The following SCAPER variants were observed in gnomAD, a reference collection of about 807,000 sequenced individuals.
SCAPER encodes the protein S phase cyclin A-associated protein in the endoplasmic reticulum.
Under a neutral mutation model 182.2 loss-of-function variants are expected in SCAPER, and 98 were observed. The ratio of observed to expected loss-of-function variants is 0.54; its 90% CI spans 0.46 to 0.64. SCAPER has a LOEUF of 0.64. Ranked by LOEUF, SCAPER falls within the 30% of genes least tolerant of loss-of-function variation. The probability of loss-of-function intolerance (pLI) is 0.00; values close to 1 mark genes in which losing one functional copy is unlikely to be tolerated. For missense variants in SCAPER, 1,432 were observed against 1,690.0 expected (o/e 0.85, Z 2.68); for synonymous variants, 605 against 564.6 (o/e 1.07, Z -1.01).
chr15:76,416,106 A>C (rs1020302139), intron 26 of SCAPER, among the ~76,000 whole-genome samples: 1 of 152,180 alleles, frequency 6.6e-6, no homozygotes, highest in African/African-American at 2.4e-5. Context: ...GGCTAAGTAC[A>C]TAAGGAAGCA....
At chr15:76,794,271 A>T (rs2065182499) in intron 8 of SCAPER, among the ~76,000 whole-genome samples, 1 of 152,232 alleles carries the variant, frequency 6.6e-6, no homozygotes, top group Admixed American at 6.5e-5. Flanking sequence ...GGACTGCTTT[A>T]AACGAAACTG....
Position 76,510,645 on chromosome 15 carries a change from C to T in SCAPER, c.2839-5671G>A, listed in dbSNP as rs949500173. Among the ~76,000 whole-genome samples, 8 of 152,026 alleles carry T rather than the reference C, an allele frequency of 5.3e-5. No individual in the cohort carries two copies. The South Asian group carries it at 6.2e-4, about 12-fold the overall frequency. On this transcript the variant is annotated intron_variant, in intron 23 of 31. Coordinates refer to ENST00000563290, the MANE Select transcript of SCAPER (RefSeq NM_020843.4). ...TCTACATTGCTGGTGGGAATGTAAA[C>T]GAGGAAAACAGTGTGAAGATTCCTT... is the stretch of plus-strand genomic sequence containing the variant.
intron 23 of SCAPER, among the ~76,000 whole-genome samples, chr15:76,558,333 CACAG>C (rs1181604274): frequency 2.0e-5 from 3 of 152,062 alleles, no homozygotes; most frequent in Non-Finnish European, 2.9e-5. Context: ...GGGCAAAGGA[CACAG>C]ACAGACACCT....
intron 29 of SCAPER, among the ~76,000 whole-genome samples, chr15:76,358,389 T>C (rs890332478): frequency 6.6e-6 from 1 of 152,220 alleles, no homozygotes; most frequent in Non-Finnish European, 1.5e-5. Flanking sequence ...TACAAAACTA[T>C]CTTAGTTGGC....
At chr15:76,687,885 G>A (rs557573822) in intron 20 of SCAPER, among the ~76,000 whole-genome samples, 19 of 152,334 alleles carry the variant, frequency 1.2e-4, no homozygotes, top group African/African-American at 4.6e-4. Flanking sequence ...ATTGTGAACA[G>A]TGCTGCAATA....
At chr15:76,889,922 T>C (rs937207035) in intron 1 of SCAPER, among the ~76,000 whole-genome samples, 3 of 152,186 alleles carry the variant, frequency 2.0e-5, no homozygotes, top group Non-Finnish European at 1.5e-5. Context: ...TAATTGGAAG[T>C]AAAGCACTCC....
intron 3 of SCAPER, among the ~76,000 whole-genome samples, chr15:76,858,820 C>T (rs200613438): frequency 3.0e-5 from 4 of 132,392 alleles, no homozygotes; most frequent in East Asian, 2.9e-4. Context: ...TTTATGGCTA[C>T]GTAGTAGTCC....
chr15:76,733,922 TAGAA>T (rs1334079295), intron 15 of SCAPER, among the ~76,000 whole-genome samples: 3 of 152,118 alleles, frequency 2.0e-5, no homozygotes, highest in African/African-American at 7.2e-5. Flanking sequence ...CCACAGGCCT[TAGAA>T]AGAAGTGATT....
At chr15:76,753,193 GA>G (rs531002362) in intron 15 of SCAPER, among the ~76,000 whole-genome samples, 2 of 151,670 alleles carry the variant, frequency 1.3e-5, no homozygotes, top group African/African-American at 2.4e-5. Flanking sequence ...ATTTGTAATA[GA>G]AAAAAACTGG....
At chr15:76,569,610 C>T (rs1419545207) in intron 23 of SCAPER, among the ~76,000 whole-genome samples, 1 of 152,092 alleles carries the variant, frequency 6.6e-6, no homozygotes, top group Non-Finnish European at 1.5e-5. Context: ...TTGGAAAGTT[C>T]TAAATGATTA....
chr15:76,484,908 A>AAAT (rs142271178), intron 24 of SCAPER, among the ~76,000 whole-genome samples: 60,411 of 151,680 alleles, frequency 0.4, 14,227 homozygotes, highest in Middle Eastern at 0.56. Context: ...ACATACCCCA[A>AAAT]AATAATAAGA....
intron 23 of SCAPER, among the ~76,000 whole-genome samples, chr15:76,547,971 T>C (rs543427799): frequency 7.2e-5 from 11 of 152,210 alleles, no homozygotes; most frequent in Admixed American, 5.2e-4. Context: ...ATCTTACTTA[T>C]GATTTAAGTT....
intron 21 of SCAPER, among the ~76,000 whole-genome samples, chr15:76,647,162 G>T (rs1433065554): frequency 6.6e-6 from 1 of 152,132 alleles, no homozygotes; most frequent in African/African-American, 2.4e-5. Context: ...TATCCTAGTA[G>T]GAGAAAGCTA....
chr15:76,725,486 ACTT>A (rs1399089201), intron 17 of SCAPER, among the ~76,000 whole-genome samples: 2 of 151,984 alleles, frequency 1.3e-5, no homozygotes, highest in Non-Finnish European at 2.9e-5. Flanking sequence ...AATCCCAATG[ACTT>A]CTTTTTTACA....
chr15:76,752,903 T>C (rs575204495), intron 15 of SCAPER, among the ~76,000 whole-genome samples: 2 of 150,656 alleles, frequency 1.3e-5, no homozygotes, highest in Non-Finnish European at 1.5e-5. Context: ...ACAAAAAAAA[T>C]AGGAAAAAAA....
At position 76,426,468 on chromosome 15, in the gene SCAPER, C is replaced by T. The variant is rs943668504; in HGVS notation, c.3311+7610G>A. 5.3e-5 allele frequency among the ~76,000 whole-genome samples: 8 copies of T among 152,198 alleles called. No homozygotes were observed. In the East Asian group the frequency reaches 9.7e-4, roughly 18 times the overall value. ...CTCAGTTGGAAATGCAGAAATCACC[C>T]GTCTTCTGCGTCGCTCATGCTGGGA... On this transcript the variant is annotated intron_variant, in intron 26 of 31. Coordinates refer to ENST00000563290, the MANE Select transcript of SCAPER (RefSeq NM_020843.4).
intron 22 of SCAPER, among the ~76,000 whole-genome samples, chr15:76,607,456 C>T (rs981372422): frequency 1.3e-5 from 2 of 152,240 alleles, no homozygotes; most frequent in Admixed American, 1.3e-4. Flanking sequence ...AACATTTTTT[C>T]CTTCATTTCA....
At chr15:76,855,752 T>C (rs976804466) in intron 4 of SCAPER, 2 of 293,258 alleles carry the variant, frequency 6.8e-6, no homozygotes, top group African/African-American at 4.3e-5. Flanking sequence ...TGGCTATTAC[T>C]AAAAAGTCAA....
chr15:76,434,249 T>A lies in SCAPER; in HGVS notation c.3140A>T (p.Glu1047Val), dbSNP rs1596597049. The stretch of plus-strand genomic sequence containing the variant: ...TTTGAGAAGTCCAGTTGTCAAGCCT[T>A]CAAAAACTTGTTTATTTGTATTTCT... Reference protein sequence around the residue: ...LGRNTNKQVFEGLTTGLLKVS... With the variant: ...LGRNTNKQVFVGLTTGLLKVS... Residue 1047 changes from glutamate (E) to valine (V), a missense_variant, in exon 26 of 32, where the codon GAA becomes GTA. By Grantham distance (121) the Glu-to-Val change is moderately radical. Transcript: ENST00000563290. 8 of 1,613,666 alleles carry A rather than the reference T, an allele frequency of 5.0e-6. No individual in the cohort carries two copies. The East Asian group carries it at 1.8e-4, about 36-fold the overall frequency.
Sources: gnomAD v4.1 joint callset for allele counts (sites outside exome capture counted in the v4.1 genomes callset) on GRCh38, gnomAD v4.1.1 for gene constraint, MANE v1.5 for transcripts, NCBI Gene and HGNC (gene_info 2026-07-23, HGNC 2026-07-21) for gene names.